ITGAE: variants seen among roughly 807,000 people sequenced by gnomAD.
ITGAE encodes integrin alpha-E.
A neutral mutation model predicts 136.5 loss-of-function variants in ITGAE; 99 were observed. The ratio of observed to expected loss-of-function variants is 0.73; its 90% CI spans 0.62 to 0.86. The LOEUF is 0.86. ITGAE is among the 40% of genes least tolerant of loss of function. The pLI, the probability that ITGAE is intolerant of heterozygous loss-of-function variation, is 0.00. For missense variants in ITGAE, 1,447 were observed against 1,515.3 expected (o/e 0.95, Z 0.75); for synonymous variants, 613 against 591.8 (o/e 1.04, Z -0.52).
chr17:3,750,548 C>T (rs557854412), intron 15 of ITGAE, 66 bp from the exon 16 acceptor site: 1 of 1,587,230 alleles, frequency 6.3e-7, no homozygotes, highest in Admixed American at 1.7e-5. Flanking sequence ...GGAGTCCTTT[C>T]ATGATCTATC....
intron 1 of ITGAE, among the ~76,000 whole-genome samples, chr17:3,800,296 C>G (rs2053220381): frequency 6.6e-6 from 1 of 152,118 alleles, no homozygotes. Context: ...AACTCAGCTA[C>G]CAGGAGCCTT....
Position 3,714,841 on chromosome 17 carries a change from C to T in ITGAE, c.*6G>A, listed in dbSNP as rs1381733096. 2 of 1,558,926 alleles carry T rather than the reference C, an allele frequency of 1.3e-6. No homozygotes were observed. Among genetic ancestry groups the T allele is most frequent in the Non-Finnish European group, 1.8e-6 (2 of 1,130,894 alleles). ...GCTGATAGCCTCTCCCAGTGGATAGCAGGTCCTAATTCTCTTCTTCGAGCA... is the reference window on the plus strand; with the variant it reads ...GCTGATAGCCTCTCCCAGTGGATAGTAGGTCCTAATTCTCTTCTTCGAGCA... On this transcript the variant is annotated 3_prime_UTR_variant, in exon 31 of 31. Coordinates refer to ENST00000263087, the MANE Select transcript of ITGAE (RefSeq NM_002208.5).
intron 2 of ITGAE, among the ~76,000 whole-genome samples, chr17:3,771,132 G>T (rs957469480): frequency 1.3e-5 from 2 of 151,944 alleles, no homozygotes; most frequent in East Asian, 1.9e-4. Flanking sequence ...TCAAAAGGAG[G>T]TGCACATCAG....
chr17:3,776,709 C>T (rs2052548604), intron 2 of ITGAE, among the ~76,000 whole-genome samples: 1 of 151,974 alleles, frequency 6.6e-6, no homozygotes, highest in African/African-American at 2.4e-5. Flanking sequence ...AGGCAGGCAC[C>T]ACCATGCCCA....
At chr17:3,755,429 A>G (rs966448187) in intron 11 of ITGAE, among the ~76,000 whole-genome samples, 168 bp from the exon 12 acceptor site, 4 of 152,230 alleles carry the variant, frequency 2.6e-5, no homozygotes, top group Admixed American at 1.3e-4. Context: ...GAGATGGCCA[A>G]CACTGGGCTC....
At chr17:3,796,170 C>CGTGTGTGTTTGTGCATCCGTGTGT (rs2053096044) in intron 1 of ITGAE, among the ~76,000 whole-genome samples, 10 of 127,040 alleles carry the variant, frequency 7.9e-5, no homozygotes, top group African/African-American at 2.7e-4. Flanking sequence ...TGTGTGCATC[C>CGTGTGTGTTTGTGCATCCGTGTGT]GTGTGTGTGT....
At chr17:3,762,273 G>A (rs1000671091) in intron 3 of ITGAE, among the ~76,000 whole-genome samples, 5 of 152,204 alleles carry the variant, frequency 3.3e-5, no homozygotes, top group Admixed American at 1.3e-4. Flanking sequence ...CAGCAACAGC[G>A]GATGCCTGCT....
chr17:3,763,378 T>G lies in ITGAE; in HGVS notation c.247+491A>C, dbSNP rs182013796. On this transcript the variant is annotated intron_variant, in intron 3 of 30. Transcript: ENST00000263087. ...AGTACCTAATATATGTCAGGCCCCA[T>G]GCTAGTTACTAGGGTGGCCACAGTT... Among the ~76,000 whole-genome samples the G allele has an allele frequency of 6.6e-5, 10 of 152,184 alleles. No homozygotes were observed. The East Asian group carries it at 1.2e-3, about 18-fold the overall frequency.
intron 19 of ITGAE, among the ~76,000 whole-genome samples, chr17:3,740,087 A>G (rs2051549542): frequency 6.6e-6 from 1 of 152,232 alleles, no homozygotes; most frequent in African/African-American, 2.4e-5. Flanking sequence ...GATCTGTCCT[A>G]TAACATGGGC....
intron 18 of ITGAE, among the ~76,000 whole-genome samples, chr17:3,744,510 G>C (rs1193325254): frequency 1.3e-5 from 2 of 148,510 alleles, no homozygotes; most frequent in Non-Finnish European, 3.0e-5. Context: ...GCAGTGGCTC[G>C]ATCTTGGCTC....
At chr17:3,727,630 A>T (rs1409165800) in intron 26 of ITGAE, among the ~76,000 whole-genome samples, 1 of 151,926 alleles carries the variant, frequency 6.6e-6, no homozygotes, top group Non-Finnish European at 1.5e-5. Context: ...CGATCTGCTG[A>T]CCTTGTGATC....
chr17:3,780,060 GCCTCC>G (rs2052628763), intron 1 of ITGAE, among the ~76,000 whole-genome samples: 1 of 151,986 alleles, frequency 6.6e-6, no homozygotes, highest in Non-Finnish European at 1.5e-5. Context: ...CGCAACCTCT[GCCTCC>G]CAGGTTCAAG....
intron 1 of ITGAE, among the ~76,000 whole-genome samples, chr17:3,786,139 C>T (rs1294962834): frequency 6.8e-6 from 1 of 147,526 alleles, no homozygotes; most frequent in African/African-American, 2.5e-5. Flanking sequence ...TGCACTCCAG[C>T]CTGGGTGACA....
chr17:3,714,838 T>C lies in ITGAE; in HGVS notation c.*9A>G, dbSNP rs781559403. On this transcript the variant is annotated 3_prime_UTR_variant, in exon 31 of 31. Coordinates refer to ENST00000263087, the MANE Select transcript of ITGAE (RefSeq NM_002208.5). The stretch of plus-strand genomic sequence containing the variant: ...CTGGCTGATAGCCTCTCCCAGTGGA[T>C]AGCAGGTCCTAATTCTCTTCTTCGA... The C allele has an allele frequency of 7.7e-6, 12 of 1,548,732 alleles. No individual in the cohort carries two copies. The African/African-American group carries it at 8.2e-5, about 11-fold the overall frequency.
In ITGAE at chr17:3,716,718, C is replaced by G; in HGVS notation, c.3414G>C (p.Val1138=). 1 of 1,608,408 alleles carries G rather than the reference C, an allele frequency of 6.2e-7. No individual in the cohort carries two copies. Among genetic ancestry groups the G allele is most frequent in the East Asian group, 2.2e-5 (1 of 44,838 alleles). Residue 1138 remains valine, a synonymous_variant, in exon 30 of 31, where the codon GTG becomes GTC. Coordinates refer to ENST00000263087, the MANE Select transcript of ITGAE (RefSeq NM_002208.5). ...ACAGGATGACCAGAATCACGATCAA[C>G]ACCAGAAGTCCACCAACGCTGCCTT... ...IIKGSVGGLL[V]LIVILVILFK...
At chr17:3,788,121 A>G (rs1222130722) in intron 1 of ITGAE, among the ~76,000 whole-genome samples, 2 of 150,120 alleles carry the variant, frequency 1.3e-5, no homozygotes. Flanking sequence ...AATTCTTTAC[A>G]TATTCTGAAG....
intron 16 of ITGAE, 24 bp from the exon 17 acceptor site, chr17:3,748,076 G>T: frequency 6.2e-7 from 1 of 1,601,528 alleles, no homozygotes; most frequent in South Asian, 1.1e-5. Context: ...CAAAGAGGAT[G>T]GGAGAAGTGA....
intron 19 of ITGAE, 126 bp downstream of exon 19, chr17:3,743,363 G>A: frequency 1.8e-6 from 2 of 1,095,590 alleles, no homozygotes; most frequent in Non-Finnish European, 1.3e-6. Context: ...TGAGTACGGT[G>A]AGGGGCCCAA....
intron 26 of ITGAE, chr17:3,726,563 T>G: frequency 3.9e-6 from 2 of 514,532 alleles, no homozygotes; most frequent in South Asian, 5.8e-5. Flanking sequence ...CACAGTGGCG[T>G]GCGCCTGTAG....
Sources: allele counts gnomAD v4.1 joint callset (sites outside exome capture counted in the v4.1 genomes callset), GRCh38; gene constraint gnomAD v4.1.1; transcripts MANE v1.5; gene names NCBI Gene and HGNC (gene_info 2026-07-23, HGNC 2026-07-21).